PTPRD: variants seen among roughly 807,000 people sequenced by gnomAD.
PTPRD encodes the protein protein tyrosine phosphatase receptor type D, also known as receptor-type tyrosine-protein phosphatase delta.
PTPRD carries 34 observed loss-of-function variants against 214.5 expected under a neutral mutation model. The observed-to-expected ratio is 0.16, with a 90% CI of 0.12 to 0.21. The LOEUF is 0.21. PTPRD is among the 10% of genes least tolerant of loss of function. The pLI, the probability that PTPRD is intolerant of heterozygous loss-of-function variation, is 1.00. For synonymous variants in PTPRD, 1,128 were observed against 845.7 expected (o/e 1.33, Z -5.79); for missense variants, 2,545 against 2,398.7 (o/e 1.06, Z -1.27).
At chr9:10,172,331 T>C (rs117922540) in intron 3 of PTPRD, among the ~76,000 whole-genome samples, 1 of 152,168 alleles carries the variant, frequency 6.6e-6, no homozygotes, top group Non-Finnish European at 1.5e-5. Flanking sequence ...CCACCCCATA[T>C]GCAGAGATCC....
chr9:8,460,050 C>T (rs1270030403), intron 33 of PTPRD, among the ~76,000 whole-genome samples: 3 of 152,004 alleles, frequency 2.0e-5, no homozygotes, highest in African/African-American at 4.8e-5. Flanking sequence ...ACACTGAAAT[C>T]GAGCAATTAA....
intron 3 of PTPRD, among the ~76,000 whole-genome samples, chr9:10,274,993 T>C (rs974896383): frequency 6.6e-6 from 1 of 152,128 alleles, no homozygotes; most frequent in African/African-American, 2.4e-5. Context: ...AACTAGGTAT[T>C]GCATACATAT....
chr9:10,442,566 T>C (rs981721691), intron 2 of PTPRD, among the ~76,000 whole-genome samples: 2 of 151,566 alleles, frequency 1.3e-5, no homozygotes, highest in African/African-American at 2.4e-5. Flanking sequence ...TTCCTCCAGA[T>C]AGGTAAATTA....
intron 14 of PTPRD, among the ~76,000 whole-genome samples, chr9:8,532,835 G>C (rs1375377199): frequency 6.6e-6 from 1 of 151,970 alleles, no homozygotes; most frequent in Admixed American, 6.6e-5. Context: ...TGGAAATATA[G>C]CACCCTCTTT....
chr9:9,171,746 G>C (rs1407614792), intron 10 of PTPRD, among the ~76,000 whole-genome samples: 2 of 151,948 alleles, frequency 1.3e-5, no homozygotes, highest in African/African-American at 2.4e-5. Flanking sequence ...ATATATATAT[G>C]AAAAATCCTT....
chr9:8,773,980 C>A (rs1036326), intron 11 of PTPRD, among the ~76,000 whole-genome samples: 96,874 of 151,842 alleles, frequency 0.64, 31,445 homozygotes, highest in Middle Eastern at 0.72. Context: ...TGACTCCAAC[C>A]CCAAGAAGAG....
At chr9:9,797,289 G>A (rs867071532) in intron 5 of PTPRD, among the ~76,000 whole-genome samples, 88 of 123,050 alleles carry the variant, frequency 7.2e-4, no homozygotes, top group African/African-American at 2.7e-3. Flanking sequence ...AGTTGTTTGG[G>A]TTTTTTTGCA....
chr9:8,945,201 C>A (rs1480341103), intron 11 of PTPRD, among the ~76,000 whole-genome samples: 3 of 151,758 alleles, frequency 2.0e-5, no homozygotes, highest in Non-Finnish European at 2.9e-5. Context: ...ATTTATCAAA[C>A]AGAAAATCAT....
intron 37 of PTPRD, among the ~76,000 whole-genome samples, chr9:8,387,102 A>G (rs1428972023): frequency 6.6e-6 from 1 of 152,208 alleles, no homozygotes; most frequent in African/African-American, 2.4e-5. Context: ...AATAAAAATC[A>G]CAAGACAGCA....
intron 9 of PTPRD, among the ~76,000 whole-genome samples, chr9:9,295,546 G>A (rs1489331010): frequency 1.3e-5 from 2 of 151,750 alleles, no homozygotes; most frequent in Non-Finnish European, 2.9e-5. Context: ...TATTGCAAGG[G>A]TAGCTATGTC....
At chr9:10,582,067 G>T (rs537936689) in intron 2 of PTPRD, among the ~76,000 whole-genome samples, 207 of 152,248 alleles carry the variant, frequency 1.4e-3, no homozygotes, top group Non-Finnish European at 2.4e-3. Flanking sequence ...AGTTTTTCTA[G>T]AAATTTAGTC....
At chr9:8,974,590 A>T (rs997262857) in intron 11 of PTPRD, among the ~76,000 whole-genome samples, 2 of 151,964 alleles carry the variant, frequency 1.3e-5, no homozygotes, top group Admixed American at 1.3e-4. Flanking sequence ...CCATCAGTAG[A>T]GGAATGGCCA....
chr9:10,049,560 C>T (rs978627704), intron 3 of PTPRD, among the ~76,000 whole-genome samples: 3 of 152,012 alleles, frequency 2.0e-5, no homozygotes, highest in Non-Finnish European at 4.4e-5. Flanking sequence ...GATTTGAGGT[C>T]ATTGTTAATA....
rs1175875551 is a variant in PTPRD at position 9,653,348 on chromosome 9, C to CAAAA, written c.-286-78571_-286-78568dup. 4.6e-4 allele frequency among the ~76,000 whole-genome samples: 15 copies of CAAAA among 32,504 alleles called. 4 individuals are homozygous for CAAAA. Among genetic ancestry groups the CAAAA allele is most frequent in the Admixed American group, 1.2e-3 (2 of 1,714 alleles). 21.3% of individuals were successfully genotyped at this position (32,504 alleles called of 152,430 possible). ...TGGGCGACAGAGCGAGACTCCGTCT[C>CAAAA]AAAAAAAAAAAAAAAAAAAAAAAAA... On this transcript the variant is annotated intron_variant, in intron 7 of 45. Transcript: ENST00000381196.
chr9:10,096,585 T>G (rs1025527407), intron 3 of PTPRD, among the ~76,000 whole-genome samples: 20 of 151,952 alleles, frequency 1.3e-4, no homozygotes, highest in Non-Finnish European at 1.6e-4. Flanking sequence ...TTGATGGGGT[T>G]TTTTGTTTTT....
intron 10 of PTPRD, among the ~76,000 whole-genome samples, chr9:9,057,264 T>C (rs1018260126): frequency 6.6e-6 from 1 of 152,192 alleles, no homozygotes; most frequent in Non-Finnish European, 1.5e-5. Context: ...CAGTCTATTC[T>C]TTCTAGGGAC....
intron 5 of PTPRD, among the ~76,000 whole-genome samples, chr9:9,791,697 T>C (rs1466998757): frequency 6.6e-6 from 1 of 152,188 alleles, no homozygotes; most frequent in African/African-American, 2.4e-5. Flanking sequence ...AGCTATCATT[T>C]AGATCTTACC....
chr9:10,239,743 A>G (rs1477812054), intron 3 of PTPRD, among the ~76,000 whole-genome samples: 2 of 151,842 alleles, frequency 1.3e-5, no homozygotes, highest in African/African-American at 4.8e-5. Flanking sequence ...GAATATGTGG[A>G]GTCTCACAAA....
intron 10 of PTPRD, among the ~76,000 whole-genome samples, chr9:9,057,285 G>A (rs560937470): frequency 3.9e-4 from 60 of 152,186 alleles, no homozygotes; most frequent in African/African-American, 1.4e-3. Flanking sequence ...TGTCAGTCTT[G>A]GCAATGATAT....
Sources: gnomAD v4.1 joint callset for allele counts (sites outside exome capture counted in the v4.1 genomes callset) on GRCh38, gnomAD v4.1.1 for gene constraint, MANE v1.5 for transcripts, NCBI Gene and HGNC (gene_info 2026-07-23, HGNC 2026-07-21) for gene names.